IGBP1: variants seen among roughly 807,000 people sequenced by gnomAD.
IGBP1 encodes immunoglobulin-binding protein 1.
IGBP1 carries 2 observed loss-of-function variants against 25.9 expected under a neutral mutation model. The ratio of observed to expected loss-of-function variants is 0.08; its 90% CI spans 0.03 to 0.24. The LOEUF is 0.24. IGBP1 is among the 10% of genes least tolerant of loss of function. The pLI, the probability that IGBP1 is intolerant of heterozygous loss-of-function variation, is 1.00. For missense variants in IGBP1, 187 were observed against 260.4 expected (o/e 0.72, Z 1.94); for synonymous variants, 96 against 93.4 (o/e 1.03, Z -0.16).
intron 6 of IGBP1, among the ~76,000 whole-genome samples, chrX:70,164,751 T>C (rs1015287353): frequency 4.5e-5 from 5 of 112,171 alleles, no homozygotes; most frequent in Admixed American, 1.9e-4. Context: ...TTGTTTTATA[T>C]GTACTTGTGT....
At chrX:70,138,531 C>T (rs1178420134) in intron 3 of IGBP1, among the ~76,000 whole-genome samples, 1 of 106,250 alleles carries the variant, frequency 9.4e-6, no homozygotes, top group Non-Finnish European at 1.9e-5. Context: ...TCATAGTGCT[C>T]ATTGTAGAAA....
chrX:70,163,395 C>A (rs1193344013), intron 6 of IGBP1, among the ~76,000 whole-genome samples: 1 of 110,493 alleles, frequency 9.1e-6, no homozygotes, highest in African/African-American at 3.3e-5. Flanking sequence ...AATTATTCAA[C>A]CTCAGAGGCT....
At chrX:70,164,759 T>C (rs2085288160) in intron 6 of IGBP1, among the ~76,000 whole-genome samples, 1 of 112,196 alleles carries the variant, frequency 8.9e-6, no homozygotes, top group African/African-American at 3.2e-5. Context: ...TATGTACTTG[T>C]GTGGTTTCCA....
At chrX:70,148,899 A>G in intron 5 of IGBP1, 59 bp downstream of exon 5, 1 of 812,320 alleles carries the variant, frequency 1.2e-6, no homozygotes, top group Non-Finnish European at 1.9e-6. Context: ...CAATGTGGCA[A>G]TTCATTAGTG....
Position 70,150,165 on chromosome X carries a change from GT to G in IGBP1, c.759-38del, listed in dbSNP as rs753594234. On this transcript the variant is annotated intron_variant, in intron 5 of 6. Transcript: ENST00000356413. ...GTACTGGGTTTTTTTTGTTATTTTT[GT>G]TTTTTTGTTTTTTTGTTTTCTAAAT... is the stretch of plus-strand genomic sequence containing the variant. 74 of 780,921 alleles carry G rather than the reference GT, an allele frequency of 9.5e-5. No individual in the cohort carries two copies. In the African/African-American group the frequency reaches 1.3e-3, roughly 14 times the overall value. 64.4% of individuals were successfully genotyped at this position (780,921 alleles called of 1,213,427 possible). A position where few individuals can be genotyped will look rare whatever the true frequency, so the allele number is the denominator to read the frequency against.
intron 5 of IGBP1, 51 bp from the exon 6 acceptor site, chrX:70,150,159 A>T (rs902383614): frequency 2.4e-5 from 18 of 759,204 alleles, no homozygotes; most frequent in Non-Finnish European, 3.2e-5. Context: ...TTTTTTTGTT[A>T]TTTTTGTTTT....
intron 6 of IGBP1, among the ~76,000 whole-genome samples, chrX:70,154,619 C>T (rs922249014): frequency 8.2e-5 from 8 of 97,024 alleles, no homozygotes; most frequent in South Asian, 5.3e-4. Flanking sequence ...TGGCTCACAC[C>T]GGTAATCCCA....
intron 3 of IGBP1, among the ~76,000 whole-genome samples, chrX:70,145,595 T>C (rs1422644701): frequency 9.0e-6 from 1 of 111,725 alleles, no homozygotes; most frequent in Admixed American, 9.6e-5. Flanking sequence ...TTGGTTATTG[T>C]GACCTACCAG....
At chrX:70,165,560 C>G (rs746756914) in intron 6 of IGBP1, among the ~76,000 whole-genome samples, 1 of 110,837 alleles carries the variant, frequency 9.0e-6, no homozygotes, top group Admixed American at 9.6e-5. Context: ...CAAGAATTCT[C>G]TTCCAAAATA....
rs1484560371 is a variant in IGBP1, at chrX:70,152,645, A to G, written c.871+2323A>G. On this transcript the variant is annotated intron_variant, in intron 6 of 6. Coordinates refer to ENST00000356413, the MANE Select transcript of IGBP1 (RefSeq NM_001551.3). ...TTTGTAATTAATGAAAAGATAAGAA[A>G]TCTCAGCAGAGAAATAGAAACTATA... 4.5e-5 allele frequency among the ~76,000 whole-genome samples: 5 copies of G among 112,224 alleles called. No individual in the cohort carries two copies. In the South Asian group the frequency reaches 1.8e-3, roughly 41 times the overall value.
intron 3 of IGBP1, among the ~76,000 whole-genome samples, chrX:70,140,442 A>G (rs190847302): frequency 1.8e-5 from 2 of 112,641 alleles, no homozygotes; most frequent in Non-Finnish European, 3.7e-5. Context: ...CTGAAAAAGA[A>G]GAGAGGCAGA....
intron 3 of IGBP1, among the ~76,000 whole-genome samples, chrX:70,145,586 T>C (rs2085160945): frequency 9.0e-6 from 1 of 111,590 alleles, no homozygotes; most frequent in Non-Finnish European, 1.9e-5. Flanking sequence ...ATTTGATATT[T>C]GGTTATTGTG....
chrX:70,159,410 C>G (rs1322966236), intron 6 of IGBP1, among the ~76,000 whole-genome samples: 2 of 111,493 alleles, frequency 1.8e-5, no homozygotes, highest in Non-Finnish European at 3.8e-5. Flanking sequence ...AAAAAAGTTG[C>G]GCGGGGGGAA....
chrX:70,150,172 T>A (rs1438737756), intron 5 of IGBP1, 38 bp from the exon 6 acceptor site: 2 of 857,785 alleles, frequency 2.3e-6, no homozygotes, highest in Admixed American at 4.5e-5. Flanking sequence ...TTTGTTTTTT[T>A]GTTTTTTTGT....
rs762954223 is a variant in IGBP1 at position 70,154,714 on chromosome X, C to CAAAAAAAAAAAAAA, written c.871+4401_871+4414dup. 1.1e-3 allele frequency among the ~76,000 whole-genome samples: 30 copies of CAAAAAAAAAAAAAA among 27,090 alleles called. 1 individual carries two copies. The highest frequency in any genetic ancestry group is 3.0e-3 in the African/African-American group (16 of 5,381). 23.5% of individuals were successfully genotyped at this position (27,090 alleles called of 115,157 possible). On this transcript the variant is annotated intron_variant, in intron 6 of 6. Coordinates refer to ENST00000356413, the MANE Select transcript of IGBP1 (RefSeq NM_001551.3). Reference sequence around the variant, plus strand: ...AGCAACATGGTAAGACCCCTCTCCACAAAAAAAAAAAAAAAAAAAAAAGTT... The same window carrying CAAAAAAAAAAAAAA: ...AGCAACATGGTAAGACCCCTCTCCACAAAAAAAAAAAAAAAAAAAAAAAAAAAAAAAAAAAAGTT...
rs202174045 is a variant in IGBP1, at chrX:70,156,287, TAAAAAA to T, written c.871+5982_871+5987del. 6.9e-3 allele frequency among the ~76,000 whole-genome samples: 512 copies of T among 74,276 alleles called. 5 individuals are homozygous for T. Among genetic ancestry groups the T allele is most frequent in the African/African-American group, 0.022 (470 of 21,769 alleles). 64.5% of individuals were successfully genotyped at this position (74,276 alleles called of 115,157 possible). ...GGGTTGCCACAAACCTTCAATTTGT[TAAAAAA>T]AAAAAAAAAAAAAAAAGTCTCTGCA... On this transcript the variant is annotated intron_variant, in intron 6 of 6. Coordinates refer to ENST00000356413, the MANE Select transcript of IGBP1 (RefSeq NM_001551.3).
chrX:70,135,812 G>A (rs2085091629), intron 3 of IGBP1, among the ~76,000 whole-genome samples: 1 of 111,562 alleles, frequency 9.0e-6, no homozygotes, highest in African/African-American at 3.3e-5. Flanking sequence ...ATCAAGGAGA[G>A]CCTGGGATGT....
At chrX:70,143,917 C>T (rs1321488783) in intron 3 of IGBP1, among the ~76,000 whole-genome samples, 4 of 112,403 alleles carry the variant, frequency 3.6e-5, no homozygotes, top group African/African-American at 9.7e-5. Flanking sequence ...GCAGGCTGGG[C>T]GCGGTGGCTC....
chrX:70,139,907 A>G (rs1178473564), intron 3 of IGBP1, among the ~76,000 whole-genome samples: 1 of 111,659 alleles, frequency 9.0e-6, no homozygotes, highest in African/African-American at 3.3e-5. Flanking sequence ...ACTAGACTTC[A>G]GCCACAATGA....
Sources: allele counts gnomAD v4.1 joint callset (sites outside exome capture counted in the v4.1 genomes callset), GRCh38; gene constraint gnomAD v4.1.1; transcripts MANE v1.5; gene names NCBI Gene and HGNC (gene_info 2026-07-23, HGNC 2026-07-21).